Variants in CADM2 observed in about 807,000 individuals in gnomAD.
CADM2 encodes the protein immunoglobulin superfamily member 4D.
A neutral mutation model predicts 49.8 loss-of-function variants in CADM2; 12 were observed. That is an observed-to-expected ratio of 0.24 (90% CI 0.15 to 0.39). The LOEUF (loss-of-function observed/expected upper bound fraction) is 0.39, where lower values mean the gene tolerates loss of function less well. CADM2 is among the 10% of genes least tolerant of loss of function. The pLI is 1.00. For missense variants in CADM2, 378 were observed against 492.3 expected (o/e 0.77, Z 2.20); for synonymous variants, 214 against 175.4 (o/e 1.22, Z -1.74).
chr3:85,528,627 T>C (rs115824517), intron 1 of CADM2, among the ~76,000 whole-genome samples: 83 of 152,332 alleles, frequency 5.4e-4, no homozygotes, highest in Middle Eastern at 3.4e-3. Flanking sequence ...AAAAGTTAGC[T>C]ATGACTACTG....
At chr3:85,621,125 T>C (rs1431834158) in intron 1 of CADM2, among the ~76,000 whole-genome samples, 1 of 152,172 alleles carries the variant, frequency 6.6e-6, no homozygotes, top group East Asian at 1.9e-4. Flanking sequence ...AAATGACCTC[T>C]GTTCTAACAA....
At chr3:85,417,074 T>C in intron 1 of CADM2, among the ~76,000 whole-genome samples, 1 of 152,112 alleles carries the variant, frequency 6.6e-6, no homozygotes, top group East Asian at 1.9e-4. Context: ...AATGTTCAAT[T>C]ATGTAGCTAA....
intron 1 of CADM2, among the ~76,000 whole-genome samples, chr3:85,476,712 A>C (rs917308077): frequency 6.6e-6 from 1 of 151,908 alleles, no homozygotes; most frequent in Non-Finnish European, 1.5e-5. Context: ...ATTATTTTTA[A>C]CGCATGGCTT....
At chr3:86,001,908 C>T (rs372913722) in intron 8 of CADM2, among the ~76,000 whole-genome samples, 1 of 152,042 alleles carries the variant, frequency 6.6e-6, no homozygotes, top group South Asian at 2.1e-4. Flanking sequence ...CATTTGGATA[C>T]TGGAATTTCC....
intron 1 of CADM2, among the ~76,000 whole-genome samples, chr3:85,711,188 A>G (rs2067106078): frequency 1.3e-5 from 2 of 152,168 alleles, no homozygotes; most frequent in African/African-American, 2.4e-5. Context: ...TTATTGTTCA[A>G]TAGATAATAT....
At chr3:85,586,192 G>T (rs893074903) in intron 1 of CADM2, among the ~76,000 whole-genome samples, 1 of 152,098 alleles carries the variant, frequency 6.6e-6, no homozygotes, top group Non-Finnish European at 1.5e-5. Context: ...GCTACAGCAC[G>T]GCCTGTCTTG....
intron 3 of CADM2, among the ~76,000 whole-genome samples, chr3:85,812,811 G>A (rs546935472): frequency 2.0e-5 from 3 of 152,052 alleles, no homozygotes; most frequent in Non-Finnish European, 2.9e-5. Flanking sequence ...TTGGTTTTCC[G>A]TTCTTGTGAC....
chr3:85,336,994 A>C (rs1010843940), intron 1 of CADM2, among the ~76,000 whole-genome samples: 7 of 134,826 alleles, frequency 5.2e-5, no homozygotes, highest in Middle Eastern at 3.6e-3. Flanking sequence ...ATATATATTT[A>C]ATATATATTA....
chr3:86,011,414 T>A (rs1393566034), intron 8 of CADM2, among the ~76,000 whole-genome samples: 1 of 152,152 alleles, frequency 6.6e-6, no homozygotes, highest in East Asian at 1.9e-4. Context: ...ATTAAGTAGA[T>A]ATTTGAAAAT....
At chr3:85,704,298 C>T (rs1011298756) in intron 1 of CADM2, among the ~76,000 whole-genome samples, 4 of 152,150 alleles carry the variant, frequency 2.6e-5, no homozygotes, top group East Asian at 1.9e-4. Flanking sequence ...CTATGCAAGA[C>T]GATAAATGGG....
chr3:85,843,916 A>T (rs1431542461), intron 3 of CADM2, among the ~76,000 whole-genome samples: 3 of 151,850 alleles, frequency 2.0e-5, no homozygotes, highest in Non-Finnish European at 2.9e-5. Context: ...AGCGGTTACT[A>T]AAAAAACAAA....
At chr3:85,890,000 T>C (rs1370415819) in intron 5 of CADM2, among the ~76,000 whole-genome samples, 2 of 152,078 alleles carry the variant, frequency 1.3e-5, no homozygotes, top group African/African-American at 2.4e-5. Context: ...AAATGTGTCT[T>C]AAACAATGTA....
chr3:85,362,604 T>C (rs925829015), intron 1 of CADM2, among the ~76,000 whole-genome samples: 3 of 152,228 alleles, frequency 2.0e-5, no homozygotes, highest in Non-Finnish European at 4.4e-5. Flanking sequence ...AACTTCTCTA[T>C]ACATTCACCT....
chr3:85,300,604 C>G (rs2044073299), intron 1 of CADM2, among the ~76,000 whole-genome samples: 1 of 152,010 alleles, frequency 6.6e-6, no homozygotes, highest in Non-Finnish European at 1.5e-5. Context: ...GGGAATGATC[C>G]AAGATCAAGA....
chr3:85,820,837 T>A (rs1577394576), intron 3 of CADM2, among the ~76,000 whole-genome samples: 1 of 152,128 alleles, frequency 6.6e-6, no homozygotes, highest in East Asian at 1.9e-4. Flanking sequence ...AGTTCTAGGA[T>A]CCATCAGTAA....
intron 1 of CADM2, among the ~76,000 whole-genome samples, chr3:85,470,632 C>T (rs184395377): frequency 6.6e-6 from 1 of 152,008 alleles, no homozygotes; most frequent in Non-Finnish European, 1.5e-5. Context: ...TAATTATATA[C>T]AATAAAAACA....
At chr3:85,379,291 C>T (rs2033765526) in intron 1 of CADM2, among the ~76,000 whole-genome samples, 1 of 151,892 alleles carries the variant, frequency 6.6e-6, no homozygotes, top group African/African-American at 2.4e-5. Context: ...GCATCCAAAA[C>T]TTCTTTTTAA....
intron 1 of CADM2, among the ~76,000 whole-genome samples, chr3:84,988,227 T>G (rs1368331378): frequency 6.6e-6 from 1 of 152,194 alleles, no homozygotes; most frequent in East Asian, 1.9e-4. Context: ...GATGAACATT[T>G]TTGTTAGATA....
At chr3:84,967,682 T>G (rs1048799461) in intron 1 of CADM2, among the ~76,000 whole-genome samples, 2 of 152,104 alleles carry the variant, frequency 1.3e-5, no homozygotes, top group East Asian at 3.9e-4. Flanking sequence ...TCCATTAAAA[T>G]AAATTAATGG....
Sources: allele counts gnomAD v4.1 joint callset (sites outside exome capture counted in the v4.1 genomes callset), GRCh38; gene constraint gnomAD v4.1.1; transcripts MANE v1.5; gene names NCBI Gene and HGNC (gene_info 2026-07-23, HGNC 2026-07-21).